CMTM7: variants seen among roughly 807,000 people sequenced by gnomAD.
CMTM7 encodes the protein CKLF-like MARVEL transmembrane domain-containing protein 7.
In CMTM7, 7 loss-of-function variants were observed where a neutral mutation model predicts 19.3. The ratio of observed to expected loss-of-function variants is 0.36; its 90% confidence interval spans 0.21 to 0.68. The LOEUF is 0.68. Ranked by LOEUF, CMTM7 falls within the 30% of genes least tolerant of loss-of-function variation. The pLI, the probability that CMTM7 is intolerant of heterozygous loss-of-function variation, is 0.60. For synonymous variants in CMTM7, 87 were observed against 99.3 expected (o/e 0.88, Z 0.74); for missense variants, 193 against 232.6 (o/e 0.83, Z 1.11).
intron 2 of CMTM7, among the ~76,000 whole-genome samples, chr3:32,443,925 A>C (rs1311239893): frequency 6.6e-6 from 1 of 152,082 alleles, no homozygotes; most frequent in Non-Finnish European, 1.5e-5. Context: ...TCTTTTCATT[A>C]TTGAGTTGTG....
chr3:32,433,514 C>G (rs781431229), intron 1 of CMTM7, among the ~76,000 whole-genome samples: 3 of 152,166 alleles, frequency 2.0e-5, no homozygotes, highest in Non-Finnish European at 4.4e-5. Flanking sequence ...TGGCACCCTC[C>G]GGGGGCATTT....
chr3:32,405,877 A>C (rs9872374), intron 1 of CMTM7, among the ~76,000 whole-genome samples: 8,194 of 152,312 alleles, frequency 0.054, 282 homozygotes, highest in East Asian at 0.11. Context: ...ATCCTGATGC[A>C]AACAGTAACT....
chr3:32,453,566 A>G (rs1696867345), intron 4 of CMTM7, among the ~76,000 whole-genome samples: 1 of 152,134 alleles, frequency 6.6e-6, no homozygotes, highest in South Asian at 2.1e-4. Flanking sequence ...GGCATTACTC[A>G]TGGAATCCTA....
chr3:32,404,138 CTTTCT>C (rs1280080280), intron 1 of CMTM7, among the ~76,000 whole-genome samples: 4 of 94,800 alleles, frequency 4.2e-5, no homozygotes, highest in South Asian at 3.2e-4. Flanking sequence ...TCTTTTCTTT[CTTTCT>C]TTTTTTTTCT....
intron 1 of CMTM7, among the ~76,000 whole-genome samples, chr3:32,418,696 A>T (rs991351299): frequency 6.6e-6 from 1 of 152,208 alleles, no homozygotes; most frequent in Non-Finnish European, 1.5e-5. Context: ...CTCTCAAAAG[A>T]CCAGCTGATT....
intron 1 of CMTM7, among the ~76,000 whole-genome samples, chr3:32,422,783 C>G (rs948523084): frequency 2.0e-4 from 30 of 152,188 alleles, no homozygotes; most frequent in Admixed American, 2.0e-3. Flanking sequence ...CTCAACCTAC[C>G]AAACATTATA....
intron 1 of CMTM7, among the ~76,000 whole-genome samples, chr3:32,419,987 T>C (rs572099152): frequency 2.0e-5 from 3 of 152,314 alleles, no homozygotes; most frequent in Non-Finnish European, 2.9e-5. Flanking sequence ...TTAGAAAAAC[T>C]TGAAGTTATG....
intron 1 of CMTM7, among the ~76,000 whole-genome samples, chr3:32,403,322 T>G (rs1361056800): frequency 6.6e-6 from 1 of 152,088 alleles, no homozygotes; most frequent in Non-Finnish European, 1.5e-5. Flanking sequence ...TCAAGCGATC[T>G]TCCTGGCTCA....
At chr3:32,417,614 T>C (rs1696286920) in intron 1 of CMTM7, among the ~76,000 whole-genome samples, 2 of 152,236 alleles carry the variant, frequency 1.3e-5, no homozygotes, top group East Asian at 1.9e-4. Flanking sequence ...GTTAAGTATA[T>C]ATTCAAATGT....
chr3:32,419,847 T>C (rs1696318522), intron 1 of CMTM7, among the ~76,000 whole-genome samples: 1 of 152,226 alleles, frequency 6.6e-6, no homozygotes. Flanking sequence ...CAACCCACTT[T>C]GCGTCCTTCC....
intron 1 of CMTM7, among the ~76,000 whole-genome samples, chr3:32,420,426 A>G (rs1474018150): frequency 6.6e-6 from 1 of 152,198 alleles, no homozygotes; most frequent in Non-Finnish European, 1.5e-5. Flanking sequence ...GTGAAGCCCA[A>G]TGAGGTGGGG....
intron 4 of CMTM7, 24 bp from the exon 5 acceptor site, chr3:32,454,217 C>A: frequency 6.3e-7 from 1 of 1,587,914 alleles, no homozygotes; most frequent in Non-Finnish European, 8.6e-7. Flanking sequence ...GGCAAGCTGT[C>A]CTGACTGCCA....
chr3:32,428,585 G>A (rs1028764399), intron 1 of CMTM7, among the ~76,000 whole-genome samples: 1 of 152,156 alleles, frequency 6.6e-6, no homozygotes, highest in African/African-American at 2.4e-5. Context: ...AGCCGGCCTG[G>A]GCTTTGGCTG....
chr3:32,399,238 A>C (rs613513), intron 1 of CMTM7, among the ~76,000 whole-genome samples: 1 of 142,716 alleles, frequency 7.0e-6, no homozygotes, highest in Non-Finnish European at 1.5e-5. Flanking sequence ...CCTAGGGGTT[A>C]TTTTGGAATT....
rs558117998 is a variant in CMTM7 at position 32,407,467 on chromosome 3, A to G, written c.159+15402A>G. Among the ~76,000 whole-genome samples, 16 of 152,360 alleles carry G rather than the reference A, an allele frequency of 1.1e-4. No individual in the cohort carries two copies. In the South Asian group the frequency reaches 3.3e-3, roughly 32 times the overall value. Reference sequence around the variant, plus strand: ...GAGTTACAAGAAATGTCACAGTAACACAAATAACTCGACCACATCTTTTGT... The same window carrying G: ...GAGTTACAAGAAATGTCACAGTAACGCAAATAACTCGACCACATCTTTTGT... On this transcript the variant is annotated intron_variant, in intron 1 of 4. Transcript: ENST00000334983.
intron 4 of CMTM7, 35 bp downstream of exon 4, chr3:32,452,508 C>T (rs776046585): frequency 1.9e-6 from 3 of 1,601,756 alleles, no homozygotes; most frequent in South Asian, 2.2e-5. Context: ...GAGGATCTCT[C>T]AGGAACAGGG....
intron 1 of CMTM7, among the ~76,000 whole-genome samples, chr3:32,396,612 TA>T (rs755016533): frequency 2.5e-4 from 38 of 152,042 alleles, no homozygotes; most frequent in Admixed American, 7.2e-4. Flanking sequence ...AACTGGTTGG[TA>T]TGTAATTATG....
intron 1 of CMTM7, among the ~76,000 whole-genome samples, chr3:32,416,838 A>G (rs957142153): frequency 6.6e-6 from 1 of 152,186 alleles, no homozygotes; most frequent in Non-Finnish European, 1.5e-5. Flanking sequence ...AGTCAGAGAA[A>G]GTCATTTCTA....
chr3:32,425,820 A>G (rs1046451974), intron 1 of CMTM7, among the ~76,000 whole-genome samples: 1 of 152,196 alleles, frequency 6.6e-6, no homozygotes, highest in African/African-American at 2.4e-5. Context: ...TGAGCAGGAA[A>G]GGACACCGGT....
Sources: gnomAD v4.1 joint callset for allele counts (sites outside exome capture counted in the v4.1 genomes callset) on GRCh38, gnomAD v4.1.1 for gene constraint, MANE v1.5 for transcripts, NCBI Gene and HGNC (gene_info 2026-07-23, HGNC 2026-07-21) for gene names.